DIAPH2: variants seen among roughly 807,000 people sequenced by gnomAD.
The protein encoded by DIAPH2 is diaphanous related formin 2.
DIAPH2 carries 35 observed loss-of-function variants against 92.7 expected under a neutral mutation model. That is an observed-to-expected ratio of 0.38 (90% CI 0.29 to 0.50). The LOEUF (loss-of-function observed/expected upper bound fraction) is 0.50, where lower values mean the gene tolerates loss of function less well. Among genes scored for constraint, DIAPH2 ranks in the 20% least tolerant of loss-of-function variants. The pLI is 0.94. For synonymous variants in DIAPH2, 301 were observed against 280.4 expected (o/e 1.07, Z -0.73); for missense variants, 701 against 819.5 (o/e 0.86, Z 1.77).
At chrX:97,281,721 G>A (rs1364823328) in intron 23 of DIAPH2, among the ~76,000 whole-genome samples, 6 of 107,068 alleles carry the variant, frequency 5.6e-5, no homozygotes, top group African/African-American at 2.1e-4. Context: ...TCCAGCCTGG[G>A]CAACAAAGTG....
intron 22 of DIAPH2, among the ~76,000 whole-genome samples, chrX:97,179,142 C>A (rs183952774): frequency 4.5e-5 from 5 of 110,228 alleles, no homozygotes; most frequent in African/African-American, 1.7e-4. Context: ...ACTTGTAAAT[C>A]GGTGTTAGTG....
At chrX:96,960,736 T>C in intron 16 of DIAPH2, among the ~76,000 whole-genome samples, 1 of 112,086 alleles carries the variant, frequency 8.9e-6, no homozygotes. Flanking sequence ...GCAATGGCTT[T>C]GTCATATATG....
intron 4 of DIAPH2, among the ~76,000 whole-genome samples, chrX:96,863,686 C>G (rs1003152714): frequency 2.7e-5 from 3 of 110,118 alleles, no homozygotes; most frequent in Admixed American, 9.7e-5. Context: ...ACATTTTTAC[C>G]TAATTCAAAT....
intron 22 of DIAPH2, among the ~76,000 whole-genome samples, chrX:97,184,855 C>T (rs1030285249): frequency 9.0e-6 from 1 of 111,219 alleles, no homozygotes; most frequent in South Asian, 3.8e-4. Flanking sequence ...TTGTAAGGAA[C>T]CTTAGAGGAT....
chrX:97,000,220 G>A (rs920169226), intron 17 of DIAPH2, among the ~76,000 whole-genome samples: 18 of 111,852 alleles, frequency 1.6e-4, no homozygotes, highest in African/African-American at 5.8e-4. Flanking sequence ...AGAAAAAGAC[G>A]CAGGCATTGG....
intron 22 of DIAPH2, among the ~76,000 whole-genome samples, chrX:97,219,255 T>C (rs373768863): frequency 2.7e-5 from 3 of 112,475 alleles, no homozygotes; most frequent in East Asian, 5.5e-4. Context: ...TATATTTTAA[T>C]ATTTTAGTGA....
At chrX:97,088,423 AT>A (rs1383306331) in intron 19 of DIAPH2, among the ~76,000 whole-genome samples, 1 of 112,530 alleles carries the variant, frequency 8.9e-6, no homozygotes, top group African/African-American at 3.2e-5. Flanking sequence ...TGATGCAGAC[AT>A]TCTGAGCTGT....
At chrX:96,772,688 A>G (rs1477403965) in intron 4 of DIAPH2, among the ~76,000 whole-genome samples, 1 of 112,209 alleles carries the variant, frequency 8.9e-6, no homozygotes, top group Non-Finnish European at 1.9e-5. Context: ...AGTTGCAGCC[A>G]TAATTACCTA....
intron 23 of DIAPH2, among the ~76,000 whole-genome samples, chrX:97,338,729 C>T (rs1042029543): frequency 8.9e-6 from 1 of 112,364 alleles, no homozygotes; most frequent in Non-Finnish European, 1.9e-5. Flanking sequence ...TGATTTGACT[C>T]AAGTATCTAT....
At chrX:96,865,251 A>G (rs914632748) in intron 4 of DIAPH2, among the ~76,000 whole-genome samples, 3 of 111,812 alleles carry the variant, frequency 2.7e-5, no homozygotes, top group Non-Finnish European at 5.6e-5. Flanking sequence ...TTATGTGAAC[A>G]ATCAGACCTT....
At chrX:97,562,400 G>A (rs2071300119) in intron 26 of DIAPH2, among the ~76,000 whole-genome samples, 3 of 110,369 alleles carry the variant, frequency 2.7e-5, no homozygotes, top group African/African-American at 9.9e-5. Context: ...CAGCTACTCG[G>A]GAGGCTGAGG....
chrX:97,151,418 C>T (rs1454657335), intron 22 of DIAPH2, among the ~76,000 whole-genome samples: 5 of 111,079 alleles, frequency 4.5e-5, no homozygotes, highest in African/African-American at 1.6e-4. Flanking sequence ...TGTAAATAGG[C>T]AGCTGCTGTC....
intron 24 of DIAPH2, among the ~76,000 whole-genome samples, chrX:97,359,160 C>T (rs922999429): frequency 1.8e-5 from 2 of 111,133 alleles, no homozygotes; most frequent in African/African-American, 6.5e-5. Flanking sequence ...TTTTTGTTTT[C>T]TACATAATAC....
At chrX:96,952,592 G>A (rs905187206) in intron 15 of DIAPH2, among the ~76,000 whole-genome samples, 4 of 109,931 alleles carry the variant, frequency 3.6e-5, no homozygotes, top group Non-Finnish European at 5.7e-5. Context: ...AAAATTAGCC[G>A]GGAGTGGTGG....
At chrX:96,896,088 G>T (rs2065343080) in intron 5 of DIAPH2, among the ~76,000 whole-genome samples, 1 of 111,586 alleles carries the variant, frequency 9.0e-6, no homozygotes, top group Non-Finnish European at 1.9e-5. Flanking sequence ...ATTGTAATAT[G>T]ATAGGGCTCA....
In DIAPH2 at chrX:97,513,812, T is replaced by C. The variant is rs1196984911; in HGVS notation, c.3241+84067T>C. Among the ~76,000 whole-genome samples, 88 of 99,809 alleles carry C rather than the reference T, an allele frequency of 8.8e-4. 1 individual carries two copies. The highest frequency in any genetic ancestry group is 3.3e-3 in the African/African-American group (86 of 26,269). 86.7% of individuals were successfully genotyped at this position (99,809 alleles called of 115,157 possible). A position where few individuals can be genotyped will look rare whatever the true frequency, so the allele number is the denominator to read the frequency against. On this transcript the variant is annotated intron_variant, in intron 26 of 26. Transcript: ENST00000324765. ...ATGAAATTCTGGGTTGAAAATTCTT[T>C]TCTTTAAGAATGTTGAATATTGGCC...
chrX:97,120,174 C>T (rs1484501510), intron 21 of DIAPH2, among the ~76,000 whole-genome samples: 2 of 110,974 alleles, frequency 1.8e-5, no homozygotes, highest in East Asian at 5.7e-4. Flanking sequence ...TGGTGCCAGG[C>T]AGGAATAGCC....
chrX:97,160,371 G>C (rs1018151170), intron 22 of DIAPH2, among the ~76,000 whole-genome samples: 2 of 112,481 alleles, frequency 1.8e-5, no homozygotes, highest in Non-Finnish European at 3.8e-5. Context: ...TCCTGGGGTG[G>C]TAAGTAGAAA....
intron 4 of DIAPH2, among the ~76,000 whole-genome samples, chrX:96,767,065 C>A (rs774796400): frequency 4.5e-5 from 5 of 111,620 alleles, no homozygotes; most frequent in Non-Finnish European, 7.5e-5. Context: ...TCTTGATCCG[C>A]TCTCCCATTT....
Sources: gnomAD v4.1 joint callset for allele counts (sites outside exome capture counted in the v4.1 genomes callset) on GRCh38, gnomAD v4.1.1 for gene constraint, MANE v1.5 for transcripts, NCBI Gene and HGNC (gene_info 2026-07-23, HGNC 2026-07-21) for gene names.